IPCEF1: variants seen among roughly 807,000 people sequenced by gnomAD.
IPCEF1 encodes interactor protein for cytohesin exchange factors 1.
IPCEF1 carries 31 observed loss-of-function variants against 50.9 expected under a neutral mutation model. The ratio of observed to expected loss-of-function variants is 0.61; its 90% CI spans 0.46 to 0.82. IPCEF1 has a LOEUF of 0.82. Ranked by LOEUF, IPCEF1 falls within the 40% of genes least tolerant of loss-of-function variation. The pLI is 0.00. For synonymous variants in IPCEF1, 181 were observed against 192.0 expected (o/e 0.94, Z 0.47); for missense variants, 458 against 514.0 (o/e 0.89, Z 1.05).
chr6:154,294,646 G>A (rs1782594559), intron 1 of IPCEF1, among the ~76,000 whole-genome samples: 1 of 152,114 alleles, frequency 6.6e-6, no homozygotes, highest in African/African-American at 2.4e-5. Context: ...CAACCTATGA[G>A]GCAGGAAGCC....
intron 3 of IPCEF1, among the ~76,000 whole-genome samples, chr6:154,263,360 G>C (rs149401753): frequency 6.8e-6 from 1 of 146,212 alleles, no homozygotes; most frequent in Non-Finnish European, 1.5e-5. Context: ...GTGAACAAAG[G>C]TCTCTGGTTT....
chr6:154,188,867 G>GA (rs1801614539), intron 10 of IPCEF1, among the ~76,000 whole-genome samples: 1 of 152,058 alleles, frequency 6.6e-6, no homozygotes, highest in Admixed American at 6.5e-5. Flanking sequence ...AATTCCAAGT[G>GA]GACTAACGTT....
chr6:154,314,884 C>CTTTTTTTTTTTTT (rs11367569), intron 1 of IPCEF1, among the ~76,000 whole-genome samples: 1 of 138,060 alleles, frequency 7.2e-6, no homozygotes. Context: ...AGTGTGATTA[C>CTTTTTTTTTTTTT]TTTTTTTTTT....
At chr6:154,278,782 T>A (rs905118357) in intron 2 of IPCEF1, among the ~76,000 whole-genome samples, 2 of 150,972 alleles carry the variant, frequency 1.3e-5, no homozygotes, top group African/African-American at 4.9e-5. Context: ...TCAAATGATA[T>A]AGTTTTACAT....
intron 9 of IPCEF1, among the ~76,000 whole-genome samples, chr6:154,202,927 C>G (rs145239066): frequency 6.6e-6 from 1 of 152,156 alleles, no homozygotes; most frequent in South Asian, 2.1e-4. Context: ...AAAGTGACTA[C>G]ATATTCAGGT....
rs200450323 is a variant in IPCEF1 at position 154,354,592 on chromosome 6, G to A, written c.-62+2080C>T. On this transcript the variant is annotated intron_variant, in intron 1 of 11. Transcript: ENST00000367220. ...CACAACCACCTCTACCATCTCCACC[G>A]TCACTTCCACCATCACCTCCCCTAC... Among the ~76,000 whole-genome samples, 19 of 143,166 alleles carry A rather than the reference G, an allele frequency of 1.3e-4. No individual in the cohort carries two copies. The East Asian group carries it at 3.4e-3, about 26-fold the overall frequency. The allele number at this position is 143,166 out of a possible 152,430, so 93.9% of individuals were successfully genotyped here.
chr6:154,251,142 A>G (rs1781327468), intron 3 of IPCEF1, among the ~76,000 whole-genome samples: 1 of 152,262 alleles, frequency 6.6e-6, no homozygotes, highest in Non-Finnish European at 1.5e-5. Flanking sequence ...TAATTTTTTC[A>G]GAAGACTAAC....
chr6:154,276,279 AAAAG>A (rs1360046406), intron 2 of IPCEF1, among the ~76,000 whole-genome samples: 3 of 8,670 alleles, frequency 3.5e-4, no homozygotes, highest in Non-Finnish European at 7.2e-4. Flanking sequence ...GAGAAAAAAG[AAAAG>A]AAAAAAAAAG....
intron 7 of IPCEF1, chr6:154,216,932 T>TG (rs542376954): frequency 1.9e-5 from 3 of 162,024 alleles, no homozygotes; most frequent in African/African-American, 7.2e-5. Flanking sequence ...TCTGTGAAAA[T>TG]GGTTTGCTAT....
intron 10 of IPCEF1, among the ~76,000 whole-genome samples, chr6:154,169,086 T>C (rs1241808107): frequency 2.0e-5 from 3 of 148,644 alleles, no homozygotes; most frequent in East Asian, 4.3e-4. Flanking sequence ...CCAGGCTGGG[T>C]GTGGTGGCTC....
intron 3 of IPCEF1, among the ~76,000 whole-genome samples, chr6:154,255,920 G>T (rs1047848425): frequency 5.9e-5 from 9 of 152,076 alleles, no homozygotes; most frequent in Non-Finnish European, 1.2e-4. Context: ...ATTTTTAAAA[G>T]TTTCTTTGAA....
At chr6:154,201,673 T>C (rs1447781906) in intron 9 of IPCEF1, among the ~76,000 whole-genome samples, 1 of 152,134 alleles carries the variant, frequency 6.6e-6, no homozygotes, top group Non-Finnish European at 1.5e-5. Context: ...GGTGGGCAGA[T>C]CTCTTGAGGT....
chr6:154,289,485 A>G (rs1782457090), intron 2 of IPCEF1, among the ~76,000 whole-genome samples: 1 of 151,852 alleles, frequency 6.6e-6, no homozygotes, highest in African/African-American at 2.4e-5. Flanking sequence ...AAATAAATAA[A>G]TAAATAAATT....
intron 10 of IPCEF1, among the ~76,000 whole-genome samples, chr6:154,184,509 T>C (rs1031986016): frequency 6.6e-6 from 1 of 151,930 alleles, no homozygotes; most frequent in Non-Finnish European, 1.5e-5. Context: ...AAAAGACCAA[T>C]GGTATATGTG....
At chr6:154,311,417 C>G (rs956584019) in intron 1 of IPCEF1, among the ~76,000 whole-genome samples, 2 of 152,280 alleles carry the variant, frequency 1.3e-5, no homozygotes, top group East Asian at 1.9e-4. Context: ...CTTTCTCTTA[C>G]TACCTTTTGT....
chr6:154,263,960 C>T (rs1268077284), intron 3 of IPCEF1, among the ~76,000 whole-genome samples: 2 of 132,156 alleles, frequency 1.5e-5, no homozygotes, highest in Non-Finnish European at 3.3e-5. Flanking sequence ...CGGGCAGAGG[C>T]GCCCCTCACT....
intron 9 of IPCEF1, among the ~76,000 whole-genome samples, chr6:154,202,137 C>T (rs950808): frequency 0.68 from 104,013 of 152,066 alleles, 36,405 homozygotes; most frequent in East Asian, 0.89. Context: ...ATGCTAGACA[C>T]GGATTGTCAG....
chr6:154,319,889 A>G (rs953925141), intron 1 of IPCEF1, among the ~76,000 whole-genome samples: 2 of 152,236 alleles, frequency 1.3e-5, no homozygotes, highest in African/African-American at 4.8e-5. Flanking sequence ...TCTCTTAATC[A>G]TCGCTGTATC....
Position 154,155,614 on chromosome 6 carries a change from T to C in IPCEF1, c.*4214A>G, listed in dbSNP as rs1329130781. 6.6e-6 allele frequency: 1 copy of C among 151,812 alleles called. No individual in the cohort carries two copies. The highest frequency in any genetic ancestry group is 1.5e-5 in the Non-Finnish European group (1 of 67,966). The allele number at this position is 151,812 out of a possible 1,614,324, so 9.4% of individuals were successfully genotyped here. On this transcript the variant is annotated 3_prime_UTR_variant, in exon 12 of 12. Coordinates refer to ENST00000367220, the MANE Select transcript of IPCEF1 (RefSeq NM_001130700.2). ...GAGTTTGAAACCAGCCTGGGCAACA[T>C]GGTAAACCCCGGTCTCTACTAAAAA...
Sources: allele counts gnomAD v4.1 joint callset (sites outside exome capture counted in the v4.1 genomes callset), GRCh38; gene constraint gnomAD v4.1.1; transcripts MANE v1.5; gene names NCBI Gene and HGNC (gene_info 2026-07-23, HGNC 2026-07-21).